The following CDIN1 variants were observed in gnomAD, a reference collection of about 807,000 sequenced individuals.
CDIN1 encodes CDAN1-interacting nuclease 1.
A neutral mutation model predicts 45.3 loss-of-function variants in CDIN1; 33 were observed. The ratio of observed to expected loss-of-function variants is 0.73; its 90% CI spans 0.55 to 0.97. The LOEUF (loss-of-function observed/expected upper bound fraction) is 0.97. Ranked by LOEUF, CDIN1 falls within the 50% of genes least tolerant of loss-of-function variation. CDIN1 has a pLI of 0.00. For synonymous variants in CDIN1, 118 were observed against 124.4 expected, an observed-to-expected ratio of 0.95 and a Z score of 0.34; for missense variants, 303 against 339.4, an observed-to-expected ratio of 0.89 and a Z score of 0.84.
intron 10 of CDIN1, among the ~76,000 whole-genome samples, chr15:36,727,861 C>T (rs2043694770): frequency 6.6e-6 from 1 of 152,160 alleles, no homozygotes; most frequent in African/African-American, 2.4e-5. Flanking sequence ...ACACGTAATA[C>T]TTTGGCCGGT....
intron 8 of CDIN1, chr15:36,704,659 C>T (rs1205026078): frequency 6.6e-6 from 1 of 150,924 alleles, no homozygotes; most frequent in Non-Finnish European, 1.5e-5. Flanking sequence ...TCTTTTTGCC[C>T]TCCCCCAATT....
chr15:36,608,817 A>C (rs1362428165), intron 1 of CDIN1, among the ~76,000 whole-genome samples: 1 of 152,154 alleles, frequency 6.6e-6, no homozygotes, highest in Non-Finnish European at 1.5e-5. Flanking sequence ...AAATTAAAAA[A>C]AAACTTGGCA....
intron 8 of CDIN1, among the ~76,000 whole-genome samples, chr15:36,700,407 C>T (rs2042588566): frequency 1.3e-5 from 2 of 152,076 alleles, no homozygotes; most frequent in Non-Finnish European, 2.9e-5. Flanking sequence ...AAAATAAAAA[C>T]TCAAGGCTGT....
chr15:36,731,550 A>G (rs1419895958), intron 10 of CDIN1, among the ~76,000 whole-genome samples: 1 of 152,152 alleles, frequency 6.6e-6, no homozygotes, highest in African/African-American at 2.4e-5. Context: ...CACAAATACC[A>G]TGGAGATATG....
At chr15:36,785,548 A>G (rs1484447087) in intron 10 of CDIN1, among the ~76,000 whole-genome samples, 1 of 152,170 alleles carries the variant, frequency 6.6e-6, no homozygotes, top group African/African-American at 2.4e-5. Flanking sequence ...ACACACATTC[A>G]CATACACACC....
chr15:36,798,297 C>A (rs1332356139), intron 10 of CDIN1, among the ~76,000 whole-genome samples: 2 of 152,148 alleles, frequency 1.3e-5, no homozygotes. Context: ...CTTATCTGAT[C>A]ATTTTTTCTA....
intron 1 of CDIN1, among the ~76,000 whole-genome samples, chr15:36,585,656 G>A (rs2037262025): frequency 6.6e-6 from 1 of 152,044 alleles, no homozygotes. Flanking sequence ...GTCTGCCTTG[G>A]TTTGTGCTCA....
intron 4 of CDIN1, among the ~76,000 whole-genome samples, chr15:36,655,378 G>A (rs2040743170): frequency 6.6e-6 from 1 of 150,534 alleles, no homozygotes; most frequent in Non-Finnish European, 1.5e-5. Context: ...CCAGGCTGGA[G>A]TGCAGTGGCG....
At chr15:36,589,186 C>T (rs2037450153) in intron 1 of CDIN1, among the ~76,000 whole-genome samples, 1 of 152,078 alleles carries the variant, frequency 6.6e-6, no homozygotes, top group Non-Finnish European at 1.5e-5. Flanking sequence ...ACATTTTGTA[C>T]AGTTTTGCCG....
intron 8 of CDIN1, chr15:36,708,984 G>A (rs575415507): frequency 4.0e-5 from 14 of 346,698 alleles, no homozygotes; most frequent in South Asian, 2.9e-4. Context: ...GCTTGAACTC[G>A]TGATGTTTAT....
chr15:36,779,608 G>A (rs1414656644), intron 10 of CDIN1, among the ~76,000 whole-genome samples: 1 of 152,134 alleles, frequency 6.6e-6, no homozygotes, highest in Non-Finnish European at 1.5e-5. Flanking sequence ...CTATGCAACT[G>A]CTTGGCATTC....
intron 10 of CDIN1, among the ~76,000 whole-genome samples, chr15:36,796,055 GT>G (rs1182577841): frequency 2.0e-4 from 30 of 152,064 alleles, no homozygotes; most frequent in Admixed American, 5.9e-4. Flanking sequence ...ATTGCCTTTG[GT>G]TAGTACTTTA....
chr15:36,747,127 TA>T (rs569706984), intron 10 of CDIN1: 39,582 of 298,962 alleles, frequency 0.13, 98 homozygotes, highest in Middle Eastern at 0.19. Context: ...GTTAGTGCAT[TA>T]AAAAAAAAAA....
At position 36,713,058 on chromosome 15, in the gene CDIN1, A is replaced by G. The variant is rs142313001; in HGVS notation, c.716+3097A>G. 3.3e-3 allele frequency among the ~76,000 whole-genome samples: 510 copies of G among 152,322 alleles called. 1 individual carries two copies. Among genetic ancestry groups the G allele is most frequent in the African/African-American group, 0.012 (486 of 41,580 alleles). On this transcript the variant is annotated intron_variant, in intron 10 of 10. Transcript: ENST00000566621. The stretch of plus-strand genomic sequence containing the variant: ...TACTTTTATACTGAGATGATGACTT[A>G]TAAAGAAAGAAACCAATTCTACCAG...
At chr15:36,787,509 T>C (rs1018454210) in intron 10 of CDIN1, among the ~76,000 whole-genome samples, 2 of 152,228 alleles carry the variant, frequency 1.3e-5, no homozygotes, top group African/African-American at 2.4e-5. Context: ...GTCACTTGTA[T>C]ACAGTTTATT....
Position 36,621,738 on chromosome 15 carries a change from T to A in CDIN1, c.102-22540T>A, listed in dbSNP as rs117656380. Among the ~76,000 whole-genome samples, 511 of 152,272 alleles carry A rather than the reference T, an allele frequency of 3.4e-3. 11 individuals are homozygous for A. Among genetic ancestry groups the A allele is most frequent in the Admixed American group, 0.027 (417 of 15,290 alleles). Reference sequence around the variant, plus strand: ...AACATTCTGTAAAAACAAAAAAAAATTTATTTTGTTGGCCTCCCTTTTAGA... The same window carrying A: ...AACATTCTGTAAAAACAAAAAAAAAATTATTTTGTTGGCCTCCCTTTTAGA... On this transcript the variant is annotated intron_variant, in intron 1 of 10. Transcript: ENST00000566621.
At chr15:36,718,755 T>C (rs1339966471) in intron 10 of CDIN1, among the ~76,000 whole-genome samples, 1 of 151,468 alleles carries the variant, frequency 6.6e-6, no homozygotes, top group Non-Finnish European at 1.5e-5. Flanking sequence ...TAGGATTTTC[T>C]ACATAGACAA....
chr15:36,671,259 G>T (rs566300900), intron 5 of CDIN1, among the ~76,000 whole-genome samples: 3 of 152,074 alleles, frequency 2.0e-5, no homozygotes, highest in Non-Finnish European at 4.4e-5. Flanking sequence ...CATCTGTTGC[G>T]TGTTCTTTGA....
chr15:36,588,870 G>A (rs1340353905), intron 1 of CDIN1, among the ~76,000 whole-genome samples: 1 of 152,234 alleles, frequency 6.6e-6, no homozygotes, highest in African/African-American at 2.4e-5. Flanking sequence ...CTTCGCAGAG[G>A]AGTATTTGAA....
Sources: allele counts gnomAD v4.1 joint callset (sites outside exome capture counted in the v4.1 genomes callset), GRCh38; gene constraint gnomAD v4.1.1; transcripts MANE v1.5; gene names NCBI Gene and HGNC (gene_info 2026-07-23, HGNC 2026-07-21).